The following TMEM171 variants were observed in gnomAD, a reference collection of about 807,000 sequenced individuals.
TMEM171 encodes the protein transmembrane protein 171, also known as proline-rich protein PRP2.
In TMEM171, 16 loss-of-function variants were observed where a neutral mutation model predicts 19.1. The ratio of observed to expected loss-of-function variants is 0.84; its 90% CI spans 0.57 to 1.27. The LOEUF is 1.27. Among genes scored for constraint, TMEM171 ranks in the 50% most tolerant of loss-of-function variants. TMEM171 has a pLI of 0.00. For missense variants in TMEM171, 429 were observed against 412.7 expected, an observed-to-expected ratio of 1.04 and a Z score of -0.34; for synonymous variants, 153 against 163.4, an observed-to-expected ratio of 0.94 and a Z score of 0.48.
At chr5:73,123,022 C>T (rs1744045968) in intron 1 of TMEM171, among the ~76,000 whole-genome samples, 1 of 152,218 alleles carries the variant, frequency 6.6e-6, no homozygotes, top group African/African-American at 2.4e-5. Flanking sequence ...GGAAATGCCA[C>T]ACCCAGCTAC....
chr5:73,127,521 C>T (rs922465879), intron 2 of TMEM171, among the ~76,000 whole-genome samples: 3 of 142,764 alleles, frequency 2.1e-5, no homozygotes, highest in African/African-American at 7.9e-5. Flanking sequence ...ACCACAACCT[C>T]TGCCTCCCGG....
intron 1 of TMEM171, 62 bp downstream of exon 1, chr5:73,120,758 G>T (rs1743985886): frequency 1.0e-6 from 1 of 983,738 alleles, no homozygotes; most frequent in Non-Finnish European, 1.2e-6. Context: ...GAGCTGTGCG[G>T]CCAGGCTGGG....
chr5:73,122,871 A>T (rs1414734683), intron 1 of TMEM171, among the ~76,000 whole-genome samples: 1 of 152,362 alleles, frequency 6.6e-6, no homozygotes, highest in East Asian at 1.9e-4. Context: ...ATGGAAAGTT[A>T]GTTACTGAAC....
Position 73,120,616 on chromosome 5 carries a change from G to C in TMEM171, c.-149G>C. On this transcript the variant is annotated 5_prime_UTR_variant, in exon 1 of 4. Transcript: ENST00000454765. ...AGGGTGCAGGGCGGCCGGCGCAGCC[G>C]AGGCCGCGTGCGGAGGCGGACGCCG... The C allele has an allele frequency of 3.0e-6, 3 of 984,934 alleles. No individual in the cohort carries two copies. The highest frequency in any genetic ancestry group is 3.6e-6 in the Non-Finnish European group (3 of 829,836). The allele number at this position is 984,934 out of a possible 1,614,324, so 61.0% of individuals were successfully genotyped here.
In TMEM171 at chr5:73,123,553, G is replaced by C; in HGVS notation, c.180G>C (p.Lys60Asn). 6.2e-7 allele frequency: 1 copy of C among 1,614,254 alleles called. No homozygotes were observed. The change falls in exon 2 of 4, where the codon AAG (lysine) becomes AAC (asparagine). Residue 60 changes from lysine (K) to asparagine (N), a missense_variant. Lys to Asn is a moderately conservative substitution (Grantham distance 94). Coordinates refer to ENST00000454765, the MANE Select transcript of TMEM171 (RefSeq NM_173490.8). ...KPLPDCPMVL[K>N]VAGPACAVVG... The stretch of plus-strand genomic sequence containing the variant: ...TCCCAGACTGCCCCATGGTGCTCAA[G>C]GTGGCGGGGCCTGCATGTGCCGTGG...
At chr5:73,126,893 G>A (rs1463447707) in intron 2 of TMEM171, among the ~76,000 whole-genome samples, 1 of 152,166 alleles carries the variant, frequency 6.6e-6, no homozygotes, top group Non-Finnish European at 1.5e-5. Flanking sequence ...GCTCTACACT[G>A]TTCTGGTCCA....
At chr5:73,126,484 T>C (rs1374373955) in intron 2 of TMEM171, among the ~76,000 whole-genome samples, 2 of 152,222 alleles carry the variant, frequency 1.3e-5, no homozygotes, top group African/African-American at 4.8e-5. Context: ...GTGGAGCCAG[T>C]GGCCAATTGC....
At chr5:73,129,892 A>G (rs1744287405) in intron 3 of TMEM171, among the ~76,000 whole-genome samples, 1 of 152,232 alleles carries the variant, frequency 6.6e-6, no homozygotes, top group Admixed American at 6.5e-5. Flanking sequence ...GCCGCAGAGA[A>G]TATCAGGTCA....
chr5:73,130,072 G>A (rs894668908), intron 3 of TMEM171, among the ~76,000 whole-genome samples: 1 of 152,116 alleles, frequency 6.6e-6, no homozygotes, highest in African/African-American at 2.4e-5. Flanking sequence ...CTGAGAAGAC[G>A]TGAGTGATGA....
chr5:73,126,861 C>A (rs1233906431), intron 2 of TMEM171, among the ~76,000 whole-genome samples: 1 of 121,368 alleles, frequency 8.2e-6, no homozygotes, highest in African/African-American at 3.1e-5. Flanking sequence ...TTCACCAGGC[C>A]CCCAGCAGTG....
At chr5:73,122,259 G>A (rs1252168297) in intron 1 of TMEM171, among the ~76,000 whole-genome samples, 1 of 152,098 alleles carries the variant, frequency 6.6e-6, no homozygotes, top group Non-Finnish European at 1.5e-5. Flanking sequence ...AGGAGGGTGA[G>A]TGAGAGGCCA....
intron 3 of TMEM171, 105 bp downstream of exon 3, chr5:73,128,636 G>C: frequency 7.0e-7 from 1 of 1,433,578 alleles, no homozygotes; most frequent in Admixed American, 2.1e-5. Context: ...TATCTTTTTT[G>C]CTGATGTTAT....
In TMEM171 at chr5:73,120,775, G is replaced by T. The variant is rs1052144882; in HGVS notation, c.-69+79G>T. 5 of 982,020 alleles carry T rather than the reference G, an allele frequency of 5.1e-6. No homozygotes were observed. In the African/African-American group the frequency reaches 7.0e-5, roughly 14 times the overall value. 60.8% of individuals were successfully genotyped at this position (982,020 alleles called of 1,614,324 possible). The stretch of plus-strand genomic sequence containing the variant: ...GCTGTGCGGCCAGGCTGGGCGCGGG[G>T]AGCCGCGGCAGCGCGGAGGCGCTGG... On this transcript the variant is annotated intron_variant, in intron 1 of 3. Transcript: ENST00000454765.
In TMEM171 at chr5:73,123,536, T is replaced by G. The variant is rs1268705259; in HGVS notation, c.163T>G (p.Cys55Gly). Residue 55 changes from cysteine to glycine, a missense_variant, in exon 2 of 4, where the codon TGC becomes GGC. Physicochemically the swap from Cys to Gly is radical, Grantham distance 159 (BLOSUM62 -3). Coordinates refer to ENST00000454765, the MANE Select transcript of TMEM171 (RefSeq NM_173490.8). ...ATGCCAATATAAGCCCCTCCCAGACTGCCCCATGGTGCTCAAGGTGGCGGG... is the reference window on the plus strand; with the variant it reads ...ATGCCAATATAAGCCCCTCCCAGACGGCCCCATGGTGCTCAAGGTGGCGGG... ...QACQYKPLPDCPMVLKVAGPA... is the reference protein window; with the variant it reads ...QACQYKPLPDGPMVLKVAGPA... The G allele has an allele frequency of 6.2e-7, 1 of 1,614,236 alleles. No individual in the cohort carries two copies.
intron 2 of TMEM171, among the ~76,000 whole-genome samples, chr5:73,127,410 G>C (rs1251413048): frequency 5.3e-5 from 5 of 94,904 alleles, no homozygotes; most frequent in African/African-American, 3.1e-4. Flanking sequence ...TATATATAAA[G>C]CATAAACAAT....
At chr5:73,127,384 A>AAAATATATATATATATATATATATAT in intron 2 of TMEM171, among the ~76,000 whole-genome samples, 56 of 81,620 alleles carry the variant, frequency 6.9e-4, no homozygotes, top group African/African-American at 1.6e-3. Flanking sequence ...AAAAAAAAAA[A>AAAATATATATATATATATATATATAT]ATATATATAT....
rs111901696 is a variant in TMEM171 at position 73,123,352 on chromosome 5, C to T, written c.-22C>T. 2.5e-4 allele frequency: 403 copies of T among 1,585,982 alleles called. 2 individuals are homozygous for T. In the African/African-American group the frequency reaches 4.3e-3, roughly 17 times the overall value. On this transcript the variant is annotated 5_prime_UTR_variant, in exon 2 of 4. Coordinates refer to ENST00000454765, the MANE Select transcript of TMEM171 (RefSeq NM_173490.8). ...AAGAAAACACATCCCACCCTGCCTC[C>T]GGGAAGGGGCCTCTCCTGGACATGT...
chr5:73,126,270 A>C (rs1744161920), intron 2 of TMEM171, among the ~76,000 whole-genome samples: 1 of 152,196 alleles, frequency 6.6e-6, no homozygotes, highest in South Asian at 2.1e-4. Context: ...AATTCCTCTA[A>C]CCTACCAAGA....
In TMEM171 at chr5:73,131,632, A is replaced by T. The variant is rs1488285091; in HGVS notation, c.877A>T (p.Thr293Ser). 2 of 1,613,648 alleles carry T rather than the reference A, an allele frequency of 1.2e-6. No homozygotes were observed. The highest frequency in any genetic ancestry group is 8.5e-7 in the Non-Finnish European group (1 of 1,179,920). Reference protein sequence around the residue: ...GTNSSSEASHTPHLPSELPPR... With the variant: ...GTNSSSEASHSPHLPSELPPR... ...GAATTCATCTTCTGAGGCCTCACACACTCCACATCTTCCATCTGAATTGCC... is the reference window on the plus strand; with the variant it reads ...GAATTCATCTTCTGAGGCCTCACACTCTCCACATCTTCCATCTGAATTGCC... The change falls in exon 4 of 4, where the codon ACT becomes TCT. Residue 293 changes from threonine to serine, a missense_variant. Physicochemically the swap from Thr to Ser is moderately conservative, Grantham distance 58. Coordinates refer to ENST00000454765, the MANE Select transcript of TMEM171 (RefSeq NM_173490.8).
Sources: gnomAD v4.1 joint callset for allele counts (sites outside exome capture counted in the v4.1 genomes callset) on GRCh38, gnomAD v4.1.1 for gene constraint, MANE v1.5 for transcripts, NCBI Gene and HGNC (gene_info 2026-07-23, HGNC 2026-07-21) for gene names.